Variants in NOX5 observed in about 807,000 individuals in gnomAD.
The protein encoded by NOX5 is NADPH oxidase, EF-hand calcium binding domain 5.
In NOX5, 76 loss-of-function variants were observed where a neutral mutation model predicts 85.7. The ratio of observed to expected loss-of-function variants is 0.89; its 90% confidence interval spans 0.74 to 1.07. NOX5 has a LOEUF of 1.07. Among genes scored for constraint, NOX5 ranks in the 50% least tolerant of loss-of-function variants. NOX5 has a pLI of 0.00. For missense variants in NOX5, 973 were observed against 999.5 expected (o/e 0.97, Z 0.36); for synonymous variants, 405 against 401.4 (o/e 1.01, Z -0.11).
chr15:69,035,630 G>A, intron 6 of NOX5, 123 bp downstream of exon 6: 2 of 1,553,502 alleles, frequency 1.3e-6, no homozygotes, highest in Non-Finnish European at 1.7e-6. Context: ...CCCTGGATAA[G>A]CCAACGCTCT....
intron 9 of NOX5, among the ~76,000 whole-genome samples, chr15:69,039,468 G>A (rs1004554916): frequency 1.3e-5 from 2 of 152,184 alleles, no homozygotes; most frequent in Admixed American, 6.5e-5. Flanking sequence ...TGATGTGGCT[G>A]GCAAAGCCAG....
In NOX5 at chr15:69,055,318, G is replaced by C. The variant is rs777236281; in HGVS notation, c.2000-16G>C. 2 of 1,613,024 alleles carry C rather than the reference G, an allele frequency of 1.2e-6. No homozygotes were observed. Among genetic ancestry groups the C allele is most frequent in the South Asian group, 1.1e-5 (1 of 91,018 alleles). ...GTACTAGACCCTCAGTGCAGCCCTT[G>C]TCCCCTGCCCAACAGGCCGCTTCCT... is the stretch of plus-strand genomic sequence containing the variant. On this transcript the variant is annotated splice_polypyrimidine_tract_variant and intron_variant, in intron 14 of 15. Coordinates refer to ENST00000388866, the MANE Select transcript of NOX5 (RefSeq NM_024505.4).
chr15:69,025,686 C>T (rs898835238), intron 1 of NOX5, among the ~76,000 whole-genome samples: 6 of 152,200 alleles, frequency 3.9e-5, no homozygotes, highest in African/African-American at 1.4e-4. Context: ...CACTCATGAG[C>T]TATAGACAAG....
intron 1 of NOX5, among the ~76,000 whole-genome samples, chr15:69,025,892 A>T (rs969140006): frequency 6.6e-6 from 1 of 152,148 alleles, no homozygotes; most frequent in African/African-American, 2.4e-5. Flanking sequence ...ATAGAAGACA[A>T]CCTGGGCCTG....
chr15:69,038,614 G>A (rs2050552316), intron 8 of NOX5, among the ~76,000 whole-genome samples: 1 of 152,144 alleles, frequency 6.6e-6, no homozygotes, highest in Non-Finnish European at 1.5e-5. Flanking sequence ...GAGAGGCAGG[G>A]TAAAACCAGG....
Position 69,055,375 on chromosome 15 carries a change from G to T in NOX5, c.2041G>T (p.Gly681Cys). The T allele has an allele frequency of 6.2e-7, 1 of 1,614,182 alleles. No homozygotes were observed. The highest frequency in any genetic ancestry group is 8.5e-7 in the Non-Finnish European group (1 of 1,180,042). ...ELHMYMTSAL[G>C]KNDMKAIGLQ... ...GCATATGTACATGACATCTGCACTGGGCAAGAATGACATGAAGGCCATTGG... is the reference window on the plus strand; with the variant it reads ...GCATATGTACATGACATCTGCACTGTGCAAGAATGACATGAAGGCCATTGG... The change falls in exon 15 of 16, where the codon GGC becomes TGC. Residue 681 changes from glycine (G) to cysteine (C), a missense_variant. By Grantham distance (159) the Gly-to-Cys change is radical (BLOSUM62 -3). Transcript: ENST00000388866.
intron 1 of NOX5, among the ~76,000 whole-genome samples, chr15:69,022,076 A>G (rs1416116091): frequency 6.6e-6 from 1 of 152,228 alleles, no homozygotes; most frequent in Non-Finnish European, 1.5e-5. Flanking sequence ...CTCAACATTT[A>G]TATCAATGAT....
rs758505318 is a variant in NOX5, at chr15:69,028,175, C to T, written c.175-40C>T. On this transcript the variant is annotated intron_variant, in intron 2 of 15. Transcript: ENST00000388866. ...GAACAAATTCAAAGCCCAGGCCCTG[C>T]GGCCACAGTTGTGCTGTCTTCCACC... 7.1e-6 allele frequency: 11 copies of T among 1,538,820 alleles called. No individual in the cohort carries two copies. In the Admixed American group the frequency reaches 7.8e-5, roughly 11 times the overall value.
At chr15:69,038,802 C>T (rs996901950) in intron 8 of NOX5, 55 bp from the exon 9 acceptor site, 1 of 1,613,558 alleles carries the variant, frequency 6.2e-7, no homozygotes, top group Non-Finnish European at 8.5e-7. Context: ...TGTCCTGTAG[C>T]CCCTGGTGGC....
At chr15:69,048,327 G>T (rs2050702334) in intron 13 of NOX5, among the ~76,000 whole-genome samples, 1 of 152,168 alleles carries the variant, frequency 6.6e-6, no homozygotes, top group South Asian at 2.1e-4. Flanking sequence ...GAGCCCAAGA[G>T]CTCAAGACCA....
At chr15:69,039,581 T>C (rs1359517867) in intron 9 of NOX5, among the ~76,000 whole-genome samples, 2 of 151,842 alleles carry the variant, frequency 1.3e-5, no homozygotes, top group Non-Finnish European at 1.5e-5. Flanking sequence ...AGCAGAGGAG[T>C]AGCCAGCTCA....
At chr15:69,048,007 T>C in intron 13 of NOX5, 96 bp downstream of exon 13, 2 of 1,049,490 alleles carry the variant, frequency 1.9e-6, no homozygotes, top group Non-Finnish European at 2.9e-6. Flanking sequence ...TGGGAGCGGA[T>C]AGGTGATCCC....
intron 12 of NOX5, 123 bp downstream of exon 12, chr15:69,047,660 C>T: frequency 7.2e-7 from 1 of 1,385,610 alleles, no homozygotes; most frequent in Non-Finnish European, 9.8e-7. Context: ...GCTCTTCTCT[C>T]TCTTTCCTCT....
intron 1 of NOX5, among the ~76,000 whole-genome samples, chr15:69,016,618 G>T (rs891467854): frequency 4.6e-5 from 7 of 152,064 alleles, no homozygotes; most frequent in African/African-American, 1.7e-4. Context: ...GAGTTAATAG[G>T]CATGAAAAAG....
intron 15 of NOX5, 22 bp from the exon 16 acceptor site, chr15:69,056,543 T>C: frequency 6.2e-7 from 1 of 1,610,844 alleles, no homozygotes; most frequent in African/African-American, 1.3e-5. Context: ...CCTCTTCTCT[T>C]CCTCAACCCC....
At chr15:69,041,638 T>C (rs1288294938) in intron 9 of NOX5, among the ~76,000 whole-genome samples, 1 of 152,232 alleles carries the variant, frequency 6.6e-6, no homozygotes, top group African/African-American at 2.4e-5. Context: ...CTACAGCTCA[T>C]TAATTCATGT....
intron 11 of NOX5, 54 bp from the exon 12 acceptor site, chr15:69,047,359 G>T: frequency 6.7e-7 from 1 of 1,503,324 alleles, no homozygotes; most frequent in Admixed American, 2.3e-5. Context: ...CCTGGTAGCA[G>T]GGGAGACCAG....
chr15:69,016,764 T>TAC (rs1016924544), intron 1 of NOX5, among the ~76,000 whole-genome samples: 1 of 151,626 alleles, frequency 6.6e-6, no homozygotes, highest in East Asian at 1.9e-4. Flanking sequence ...CACACACACA[T>TAC]ACACACACAC....
At position 69,061,123 on chromosome 15, in the gene NOX5, TG is replaced by T. The variant is rs1474408587; in HGVS notation, c.*4429del. The T allele has an allele frequency of 6.6e-6, 1 of 152,278 alleles. No individual in the cohort carries two copies. The highest frequency in any genetic ancestry group is 2.4e-5 in the African/African-American group (1 of 41,476). The allele number at this position is 152,278 out of a possible 1,614,324, so 9.4% of individuals were successfully genotyped here. Reference sequence around the variant, plus strand: ...ACTTTTTAATTTATGTACTTTTGTATGGCTTGTATCTATTTTTTAAGAGTAA... The same window carrying T: ...ACTTTTTAATTTATGTACTTTTGTATGCTTGTATCTATTTTTTAAGAGTAA... On this transcript the variant is annotated 3_prime_UTR_variant, in exon 16 of 16. Coordinates refer to ENST00000388866, the MANE Select transcript of NOX5 (RefSeq NM_024505.4).
Sources: gnomAD v4.1 joint callset for allele counts (sites outside exome capture counted in the v4.1 genomes callset) on GRCh38, gnomAD v4.1.1 for gene constraint, MANE v1.5 for transcripts, NCBI Gene and HGNC (gene_info 2026-07-23, HGNC 2026-07-21) for gene names.